UBE2F: variants seen among roughly 807,000 people sequenced by gnomAD.
UBE2F encodes the protein NEDD8-conjugating enzyme UBE2F.
A neutral mutation model predicts 29.6 loss-of-function variants in UBE2F; 5 were observed. The ratio of observed to expected loss-of-function variants is 0.17; its 90% CI spans 0.09 to 0.36. The LOEUF (loss-of-function observed/expected upper bound fraction) is 0.36, where lower values mean the gene tolerates loss of function less well. Among genes scored for constraint, UBE2F ranks in the 10% least tolerant of loss-of-function variants. The pLI is 1.00. For synonymous variants in UBE2F, 66 were observed against 81.8 expected (o/e 0.81, Z 1.04); for missense variants, 141 against 228.5 (o/e 0.62, Z 2.47).
intron 7 of UBE2F, among the ~76,000 whole-genome samples, chr2:238,031,303 C>T (rs2064571061): frequency 6.6e-6 from 1 of 152,230 alleles, no homozygotes; most frequent in Admixed American, 6.5e-5. Context: ...GACTCCTGCT[C>T]CCCTGGGGCT....
intron 2 of UBE2F, among the ~76,000 whole-genome samples, chr2:237,984,439 G>C (rs1176137768): frequency 5.9e-5 from 9 of 152,246 alleles, no homozygotes; most frequent in South Asian, 2.1e-4. Flanking sequence ...ACTGGATGCT[G>C]TCTGGTTTCT....
At chr2:238,023,282 CCTTT>C (rs1379276654) in intron 5 of UBE2F, among the ~76,000 whole-genome samples, 5 of 152,210 alleles carry the variant, frequency 3.3e-5, no homozygotes, top group African/African-American at 1.2e-4. Flanking sequence ...TGCAGTTCCT[CCTTT>C]CTATTAAATA....
intron 5 of UBE2F, 63 bp from the exon 6 acceptor site, chr2:238,025,279 G>A: frequency 2.8e-6 from 4 of 1,421,754 alleles, no homozygotes; most frequent in Non-Finnish European, 4.0e-6. Flanking sequence ...GTAAGGCTCT[G>A]GCCTGGAGAT....
At chr2:237,994,174 G>A (rs1190371202) in intron 3 of UBE2F, among the ~76,000 whole-genome samples, 2 of 147,884 alleles carry the variant, frequency 1.4e-5, no homozygotes, top group African/African-American at 5.0e-5. Flanking sequence ...GCAATGGCGC[G>A]ATCTTGGCTC....
chr2:238,009,167 A>C (rs373424456), intron 4 of UBE2F, among the ~76,000 whole-genome samples: 5 of 152,192 alleles, frequency 3.3e-5, no homozygotes, highest in South Asian at 2.1e-4. Context: ...TCTCCTTATC[A>C]CTGCTTTCAG....
chr2:238,017,828 GTT>G (rs749468585), intron 5 of UBE2F, among the ~76,000 whole-genome samples: 1 of 152,182 alleles, frequency 6.6e-6, no homozygotes, highest in Non-Finnish European at 1.5e-5. Flanking sequence ...TGGGGACACT[GTT>G]CCTGTGACTT....
At chr2:237,999,628 T>C (rs1469033228) in intron 4 of UBE2F, among the ~76,000 whole-genome samples, 2 of 152,218 alleles carry the variant, frequency 1.3e-5, no homozygotes, top group Non-Finnish European at 1.5e-5. Context: ...AAGACTTTCC[T>C]TTCTTCATTG....
chr2:237,983,097 A>G (rs2063410357), intron 2 of UBE2F, among the ~76,000 whole-genome samples: 1 of 152,214 alleles, frequency 6.6e-6, no homozygotes, highest in African/African-American at 2.4e-5. Flanking sequence ...AGCCTCCCAA[A>G]GTGCTGGGAT....
intron 4 of UBE2F, among the ~76,000 whole-genome samples, chr2:237,999,676 A>G (rs1390921484): frequency 1.3e-5 from 2 of 152,190 alleles, no homozygotes; most frequent in Non-Finnish European, 2.9e-5. Flanking sequence ...CATTGACTGT[A>G]TATGTGTAGT....
At chr2:237,972,053 G>A (rs1444625181) in intron 1 of UBE2F, among the ~76,000 whole-genome samples, 2 of 152,242 alleles carry the variant, frequency 1.3e-5, no homozygotes, top group Non-Finnish European at 2.9e-5. Flanking sequence ...TGAGCTTGCA[G>A]CAGGGGAACC....
Position 238,032,236 on chromosome 2 carries a change from A to C in UBE2F, c.426A>C (p.Gly142=). Reference sequence around the variant, plus strand: ...TTTTATTTCAGGATGTCGTTTGGGGATTAAACTCTTTGTTTACTGTAAGTA... The same window carrying C: ...TTTTATTTCAGGATGTCGTTTGGGGCTTAAACTCTTTGTTTACTGTAAGTA... ...PTRTLKDVVW[G]LNSLFTDLLN... The change falls in exon 8 of 10, where the codon GGA becomes GGC. Residue 142 remains glycine (G), a synonymous_variant. Transcript: ENST00000272930. 6.2e-7 allele frequency: 1 copy of C among 1,613,154 alleles called. No individual in the cohort carries two copies. Among genetic ancestry groups the C allele is most frequent in the Non-Finnish European group, 8.5e-7 (1 of 1,179,414 alleles).
In UBE2F at chr2:238,013,679, G is replaced by T. The variant is rs143806011; in HGVS notation, c.215-2887G>T. Among the ~76,000 whole-genome samples the T allele has an allele frequency of 1.4e-3, 208 of 152,226 alleles. 1 individual carries two copies. The highest frequency in any genetic ancestry group is 4.7e-3 in the African/African-American group (197 of 41,532). On this transcript the variant is annotated intron_variant, in intron 4 of 9. Transcript: ENST00000272930. ...TTGAGGCGACATACCCCTTCAAAAG[G>T]TTTGTTTTCCCAGGGCTCTCGGTAA...
intron 2 of UBE2F, among the ~76,000 whole-genome samples, chr2:237,974,954 T>C (rs2063249421): frequency 6.6e-6 from 1 of 151,898 alleles, no homozygotes; most frequent in Non-Finnish European, 1.5e-5. Flanking sequence ...CGGCCATAAA[T>C]GGAGACAGAG....
At chr2:238,016,703 T>A in intron 5 of UBE2F, 70 bp downstream of exon 5, 1 of 1,357,866 alleles carries the variant, frequency 7.4e-7, no homozygotes, top group Non-Finnish European at 1.0e-6. Flanking sequence ...GGCCCGCCAC[T>A]GGCACAGGGC....
In UBE2F at chr2:238,042,498, A is replaced by AG. The variant is rs2064852782; in HGVS notation, c.*1161dup. On this transcript the variant is annotated 3_prime_UTR_variant, in exon 10 of 10. Transcript: ENST00000272930. The stretch of plus-strand genomic sequence containing the variant: ...ATCCTCGGCCAGGTTAATATACTGC[A>AG]GAGGAAAAGCCCTGAAGAGAGGCAA... 1.3e-5 allele frequency: 2 copies of AG among 152,258 alleles called. No homozygotes were observed. The highest frequency in any genetic ancestry group is 6.5e-5 in the Admixed American group (1 of 15,290). 9.4% of individuals were successfully genotyped at this position (152,258 alleles called of 1,614,324 possible). A position where few individuals can be genotyped will look rare whatever the true frequency, so the allele number is the denominator to read the frequency against.
intron 4 of UBE2F, among the ~76,000 whole-genome samples, chr2:238,015,009 G>A (rs1369767065): frequency 1.3e-5 from 2 of 152,120 alleles, no homozygotes; most frequent in African/African-American, 4.8e-5. Flanking sequence ...ACGCCGTTGG[G>A]GTGATTAAGC....
intron 5 of UBE2F, among the ~76,000 whole-genome samples, chr2:238,021,895 T>C (rs1459023471): frequency 6.6e-6 from 1 of 152,236 alleles, no homozygotes; most frequent in Admixed American, 6.5e-5. Context: ...ATGCATCTTA[T>C]GTCTGTCTGC....
rs900644553 is a variant in UBE2F, at chr2:237,982,945, TGGTAAACCTTTCCTA to T, written c.119-5015_119-5001del. Among the ~76,000 whole-genome samples, 9 of 152,190 alleles carry T rather than the reference TGGTAAACCTTTCCTA, an allele frequency of 5.9e-5. No homozygotes were observed. The highest frequency in any genetic ancestry group is 2.2e-4 in the African/African-American group (9 of 41,456). On this transcript the variant is annotated intron_variant, in intron 2 of 9. Transcript: ENST00000272930. The surrounding 1 kb of genome is among the most constrained non-coding windows in gnomAD (Gnocchi z 4.1). ...ATCAGTGTGGGCATGAGAAGAATAA[TGGTAAACCTTTCCTA>T]GGATCACCATCATTATATTTTGTTA...
At chr2:238,016,928 A>G (rs556476327) in intron 5 of UBE2F, among the ~76,000 whole-genome samples, 4 of 152,342 alleles carry the variant, frequency 2.6e-5, no homozygotes, top group African/African-American at 9.6e-5. Flanking sequence ...AAAGCATTTA[A>G]TAAAATGACT....
Sources: gnomAD v4.1 joint callset for allele counts (sites outside exome capture counted in the v4.1 genomes callset) on GRCh38, gnomAD v4.1.1 for gene constraint, Gnocchi (gnomAD v3.1) non-coding constraint, MANE v1.5 for transcripts, NCBI Gene and HGNC (gene_info 2026-07-23, HGNC 2026-07-21) for gene names.